The following GABRB2 variants were observed in gnomAD, a reference collection of about 807,000 sequenced individuals.
GABRB2 encodes gamma-aminobutyric acid type A receptor subunit beta2.
GABRB2 carries 16 observed loss-of-function variants against 54.7 expected under a neutral mutation model. The ratio of observed to expected loss-of-function variants is 0.29; its 90% CI spans 0.20 to 0.44. The LOEUF is 0.44. GABRB2 is among the 20% of genes least tolerant of loss of function. The probability of loss-of-function intolerance (pLI) is 1.00; values close to 1 mark genes in which losing one functional copy is unlikely to be tolerated. For missense variants in GABRB2, 355 were observed against 644.0 expected, an observed-to-expected ratio of 0.55 and a Z score of 4.86; for synonymous variants, 244 against 233.8, an observed-to-expected ratio of 1.04 and a Z score of -0.40.
intron 4 of GABRB2, among the ~76,000 whole-genome samples, chr5:161,416,297 C>T (rs115709161): frequency 0.01 from 1,570 of 152,100 alleles, 34 homozygotes; most frequent in South Asian, 0.05. Flanking sequence ...CCAAAGATAG[C>T]CATTAATCAA....
intron 5 of GABRB2, among the ~76,000 whole-genome samples, chr5:161,355,324 T>A (rs372163942): frequency 1.3e-5 from 2 of 148,364 alleles, no homozygotes; most frequent in Non-Finnish European, 3.0e-5. Flanking sequence ...ACATTAAATA[T>A]ATTATATAAC....
At chr5:161,546,860 T>C (rs1761004563), upstream of GABRB2, 2 of 980,834 alleles carry the variant, frequency 2.0e-6, no homozygotes, top group Non-Finnish European at 2.8e-6. Flanking sequence ...GTATAATACA[T>C]ACATATTTGA....
At chr5:161,308,878 C>A (rs1757777894) in intron 9 of GABRB2, among the ~76,000 whole-genome samples, 1 of 152,162 alleles carries the variant, frequency 6.6e-6, no homozygotes, top group South Asian at 2.1e-4. Context: ...AGATTAAAGA[C>A]TTAAATGTAA....
chr5:161,304,534 C>G (rs1157813697), intron 9 of GABRB2, among the ~76,000 whole-genome samples: 1 of 152,120 alleles, frequency 6.6e-6, no homozygotes, highest in East Asian at 1.9e-4. Context: ...TCTTGAGGAG[C>G]CTGCTTAATT....
In GABRB2 at chr5:161,336,660, A is replaced by C. The variant is rs749459834; in HGVS notation, c.651T>G (p.Leu217=). The stretch of plus-strand genomic sequence containing the variant: ...TGGAAAAAACAACCTTCTTGGTGAT[A>C]AGTTTGTAATCTACAATAGAGAACT... ...LPQFSIVDYK[L]ITKKVVFSTG... The change falls in exon 6 of 10, where the codon CTT becomes CTG. Residue 217 remains leucine (L), a synonymous_variant. Transcript: ENST00000393959. The C allele has an allele frequency of 1.9e-6, 3 of 1,613,382 alleles. No individual in the cohort carries two copies. Among genetic ancestry groups the C allele is most frequent in the Non-Finnish European group, 2.5e-6 (3 of 1,179,586 alleles).
chr5:161,319,858 A>T (rs527359561), intron 9 of GABRB2, among the ~76,000 whole-genome samples: 1 of 151,606 alleles, frequency 6.6e-6, no homozygotes, highest in South Asian at 2.1e-4. Flanking sequence ...ATCTTTAGTT[A>T]ATTGGTCGTT....
In GABRB2 at chr5:161,331,255, C is replaced by T. The variant is rs1273718026; in HGVS notation, c.833-128G>A. 4 of 1,076,358 alleles carry T rather than the reference C, an allele frequency of 3.7e-6. No homozygotes were observed. In the East Asian group the frequency reaches 7.3e-5, roughly 20 times the overall value. 66.7% of individuals were successfully genotyped at this position (1,076,358 alleles called of 1,614,324 possible). A position where few individuals can be genotyped will look rare whatever the true frequency, so the allele number is the denominator to read the frequency against. The stretch of plus-strand genomic sequence containing the variant: ...CCACAATCTATTTATTGGGCCTTTA[C>T]TATTGCATGCCAGCCCTAGGATAGG... On this transcript the variant is annotated intron_variant, in intron 7 of 9. Transcript: ENST00000393959.
intron 3 of GABRB2, among the ~76,000 whole-genome samples, chr5:161,534,848 C>T (rs1426375523): frequency 1.3e-5 from 2 of 151,944 alleles, no homozygotes; most frequent in African/African-American, 2.4e-5. Context: ...GAATCATATG[C>T]AGGAGCAATT....
chr5:161,515,358 C>T (rs1483885268), intron 3 of GABRB2, among the ~76,000 whole-genome samples: 1 of 151,880 alleles, frequency 6.6e-6, no homozygotes, highest in Non-Finnish European at 1.5e-5. Flanking sequence ...ATGTTCTTTT[C>T]TATTCGGGGG....
intron 5 of GABRB2, among the ~76,000 whole-genome samples, chr5:161,403,483 G>T (rs1379354195): frequency 6.6e-6 from 1 of 152,058 alleles, no homozygotes; most frequent in Non-Finnish European, 1.5e-5. Context: ...TGAGAGACTT[G>T]ATCTGGTCAA....
chr5:161,408,303 C>T (rs1003064414), intron 5 of GABRB2, among the ~76,000 whole-genome samples: 1 of 151,976 alleles, frequency 6.6e-6, no homozygotes, highest in Non-Finnish European at 1.5e-5. Context: ...AAATCTGAAA[C>T]AATCTGAAAT....
chr5:161,294,672 A>G (rs1035554709), intron 9 of GABRB2, among the ~76,000 whole-genome samples: 4 of 152,244 alleles, frequency 2.6e-5, no homozygotes, highest in South Asian at 2.1e-4. Flanking sequence ...ATGTAATTAT[A>G]TAATAGACTG....
chr5:161,547,981 G>T (rs2113494489), upstream of GABRB2: 1 of 152,408 alleles, frequency 6.6e-6, no homozygotes, highest in African/African-American at 2.4e-5. Context: ...ACTCCCGGCT[G>T]TTCAGGGGCT....
chr5:161,450,275 G>A (rs1757754148), intron 4 of GABRB2, among the ~76,000 whole-genome samples: 1 of 152,012 alleles, frequency 6.6e-6, no homozygotes, highest in Non-Finnish European at 1.5e-5. Context: ...AGGGACCCAC[G>A]TAGCCAACAG....
intron 3 of GABRB2, among the ~76,000 whole-genome samples, chr5:161,512,253 G>T (rs1759796283): frequency 6.6e-6 from 1 of 151,544 alleles, no homozygotes; most frequent in Non-Finnish European, 1.5e-5. Context: ...AATTCATATG[G>T]AATGAAAAAA....
At chr5:161,427,632 G>C (rs905109790) in intron 4 of GABRB2, among the ~76,000 whole-genome samples, 2 of 152,100 alleles carry the variant, frequency 1.3e-5, no homozygotes, top group African/African-American at 4.8e-5. Context: ...ATGAATTTTA[G>C]CTTAAAACAA....
chr5:161,305,486 C>T (rs1474609738), intron 9 of GABRB2, among the ~76,000 whole-genome samples: 2 of 152,064 alleles, frequency 1.3e-5, no homozygotes, highest in Non-Finnish European at 2.9e-5. Flanking sequence ...ATCTGCCTAC[C>T]CAATCCTGAT....
At chr5:161,401,054 A>G (rs1374975487) in intron 5 of GABRB2, among the ~76,000 whole-genome samples, 1 of 152,128 alleles carries the variant, frequency 6.6e-6, no homozygotes, top group East Asian at 1.9e-4. Flanking sequence ...GATTCACGGG[A>G]AAGTCTTGAC....
chr5:161,504,206 A>G (rs1401875288), intron 3 of GABRB2, among the ~76,000 whole-genome samples: 2 of 152,204 alleles, frequency 1.3e-5, no homozygotes, highest in Non-Finnish European at 2.9e-5. Flanking sequence ...AAGCTAAGTA[A>G]CTTAATGAAT....
Sources: allele counts gnomAD v4.1 joint callset (sites outside exome capture counted in the v4.1 genomes callset), GRCh38; gene constraint gnomAD v4.1.1; transcripts MANE v1.5; gene names NCBI Gene and HGNC (gene_info 2026-07-23, HGNC 2026-07-21).